The following REV3L variants were observed in gnomAD, a reference collection of about 807,000 sequenced individuals.
REV3L encodes the protein DNA polymerase zeta catalytic subunit.
A neutral mutation model predicts 299.4 loss-of-function variants in REV3L; 69 were observed. The ratio of observed to expected loss-of-function variants is 0.23; its 90% confidence interval spans 0.19 to 0.28. The LOEUF (loss-of-function observed/expected upper bound fraction) is 0.28. Among genes scored for constraint, REV3L ranks in the 10% least tolerant of loss-of-function variants. The pLI is 1.00. For synonymous variants in REV3L, 1,238 were observed against 1,271.4 expected, an observed-to-expected ratio of 0.97 and a Z score of 0.56; for missense variants, 3,128 against 3,693.8, an observed-to-expected ratio of 0.85 and a Z score of 3.97.
Position 111,372,733 on chromosome 6 carries a change from A to T in REV3L, c.5622T>A (p.Thr1874=). Residue 1874 remains threonine (T), a synonymous_variant, in exon 13 of 32, where the codon ACT becomes ACA. Coordinates refer to ENST00000368802, the MANE Select transcript of REV3L (RefSeq NM_001372078.1). ...QSKNGSFTPR[T]ANILKPLMSP... ...ACATAAGTGGTTTCAGAATGTTAGC[A>T]GTTCGAGGGGTGAAGCTGCCATTTT... is the stretch of plus-strand genomic sequence containing the variant. The T allele has an allele frequency of 6.2e-7, 1 of 1,611,706 alleles. No individual in the cohort carries two copies. Among genetic ancestry groups the T allele is most frequent in the African/African-American group, 1.3e-5 (1 of 74,976 alleles).
At chr6:111,370,133 C>G (rs1779659232) in intron 13 of REV3L, among the ~76,000 whole-genome samples, 1 of 152,076 alleles carries the variant, frequency 6.6e-6, no homozygotes, top group Non-Finnish European at 1.5e-5. Flanking sequence ...GCCCGGCCTA[C>G]AGTTTCATAT....
At chr6:111,430,560 T>C in intron 1 of REV3L, 1 of 1,569,174 alleles carries the variant, frequency 6.4e-7, no homozygotes, top group South Asian at 1.1e-5. Context: ...GAGCATAGAC[T>C]TCATGGCTGA....
chr6:111,413,455 T>C (rs1784454082), intron 2 of REV3L, among the ~76,000 whole-genome samples: 1 of 152,112 alleles, frequency 6.6e-6, no homozygotes, highest in Non-Finnish European at 1.5e-5. Context: ...TTATAGAAGA[T>C]TCTCTAAAAT....
intron 18 of REV3L, among the ~76,000 whole-genome samples, chr6:111,353,052 A>G (rs1184901838): frequency 6.6e-6 from 1 of 152,242 alleles, no homozygotes; most frequent in African/African-American, 2.4e-5. Context: ...GAAATATCAC[A>G]AAAATTTAAA....
intron 3 of REV3L, among the ~76,000 whole-genome samples, chr6:111,409,159 T>C (rs1303776004): frequency 6.6e-6 from 1 of 152,252 alleles, no homozygotes; most frequent in Non-Finnish European, 1.5e-5. Context: ...GTTCAATCTG[T>C]TGCAGTATAT....
chr6:111,450,516 A>G (rs1445572937), intron 1 of REV3L, among the ~76,000 whole-genome samples: 4 of 150,138 alleles, frequency 2.7e-5, no homozygotes, highest in Non-Finnish European at 1.5e-5. Flanking sequence ...ACCAAAAAAC[A>G]TTAGTATCCT....
At position 111,299,503 on chromosome 6, in the gene REV3L, T is replaced by G. The variant is rs1771240825; in HGVS notation, c.*513A>C. The G allele has an allele frequency of 6.5e-6, 1 of 152,674 alleles. No individual in the cohort carries two copies. The highest frequency in any genetic ancestry group is 2.4e-5 in the African/African-American group (1 of 41,436). 9.5% of individuals were successfully genotyped at this position (152,674 alleles called of 1,614,324 possible). ...TGAGTCAAGCAAAACCTAGAGGAAATATACCAAACAACTTGAAAATCATTT... is the reference window on the plus strand; with the variant it reads ...TGAGTCAAGCAAAACCTAGAGGAAAGATACCAAACAACTTGAAAATCATTT... On this transcript the variant is annotated 3_prime_UTR_variant, in exon 32 of 32. Transcript: ENST00000368802.
intron 3 of REV3L, among the ~76,000 whole-genome samples, chr6:111,406,416 AT>A (rs1392795147): frequency 2.0e-5 from 3 of 152,230 alleles, no homozygotes; most frequent in Non-Finnish European, 4.4e-5. Context: ...AGGTAGTGAA[AT>A]TTGTCTGAGA....
At chr6:111,335,229 A>G (rs759203416) in intron 22 of REV3L, among the ~76,000 whole-genome samples, 2 of 152,190 alleles carry the variant, frequency 1.3e-5, no homozygotes, top group Non-Finnish European at 2.9e-5. Context: ...AATCACAGTA[A>G]CAATATTCAG....
Position 111,482,929 on chromosome 6 carries a change from G to C in REV3L, c.-41C>G. On this transcript the variant is annotated 5_prime_UTR_variant, in exon 1 of 32. Coordinates refer to ENST00000368802, the MANE Select transcript of REV3L (RefSeq NM_001372078.1). Reference sequence around the variant, plus strand: ...CACTGCCTCCCTTCACTGGCGACCCGGCAGCGGCAGCAGCAGCGGCGGCGG... The same window carrying C: ...CACTGCCTCCCTTCACTGGCGACCCCGCAGCGGCAGCAGCAGCGGCGGCGG... 22 of 1,485,412 alleles carry C rather than the reference G, an allele frequency of 1.5e-5. No individual in the cohort carries two copies. The highest frequency in any genetic ancestry group is 2.0e-5 in the Non-Finnish European group (22 of 1,128,036). The allele number at this position is 1,485,412 out of a possible 1,614,324, so 92.0% of individuals were successfully genotyped here.
intron 1 of REV3L, among the ~76,000 whole-genome samples, chr6:111,453,339 C>A (rs1476960645): frequency 6.6e-6 from 1 of 152,264 alleles, no homozygotes; most frequent in Middle Eastern, 3.4e-3. Flanking sequence ...ACTGGGTTTG[C>A]AATTATGCCA....
At chr6:111,456,315 G>T (rs1229626600) in intron 1 of REV3L, among the ~76,000 whole-genome samples, 1 of 152,152 alleles carries the variant, frequency 6.6e-6, no homozygotes, top group Non-Finnish European at 1.5e-5. Flanking sequence ...TTGACCCTCT[G>T]TTCTCAAGTA....
At position 111,456,657 on chromosome 6, in the gene REV3L, C is replaced by G. The variant is rs989255076; in HGVS notation, c.139+26093G>C. Among the ~76,000 whole-genome samples, 20 of 152,112 alleles carry G rather than the reference C, an allele frequency of 1.3e-4. 1 individual carries two copies. Among genetic ancestry groups the G allele is most frequent in the African/African-American group, 4.8e-4 (20 of 41,438 alleles). ...ATGCATATAACTAGTTCCCCCAAAA[C>G]AATCTTTTCTCAGATACTAATACTC... On this transcript the variant is annotated intron_variant, in intron 1 of 31. Coordinates refer to ENST00000368802, the MANE Select transcript of REV3L (RefSeq NM_001372078.1).
chr6:111,471,990 A>G, intron 1 of REV3L: 1 of 1,149,542 alleles, frequency 8.7e-7, no homozygotes, highest in South Asian at 1.6e-5. Flanking sequence ...CCCCCAATAT[A>G]TTAACCAAAA....
At chr6:111,314,044 A>AAC (rs1213054496) in intron 27 of REV3L, among the ~76,000 whole-genome samples, 1 of 152,210 alleles carries the variant, frequency 6.6e-6, no homozygotes, top group Non-Finnish European at 1.5e-5. Flanking sequence ...TTATGTTTAC[A>AAC]ACAAGAGACT....
In REV3L at chr6:111,365,333, G is replaced by T. The variant is rs776598761; in HGVS notation, c.6685C>A (p.Gln2229Lys). 6.4e-7 allele frequency: 1 copy of T among 1,563,136 alleles called. No homozygotes were observed. Among genetic ancestry groups the T allele is most frequent in the South Asian group, 1.2e-5 (1 of 82,424 alleles). ...LSPLSTEPKT[Q>K]KLSNKKGSNT... ...CTTCCTTTCTTATTACTCAACTTCT[G>T]TGTTTTTGGTTCTGTAGAAAGAAAT... The change falls in exon 15 of 32, where the codon CAG becomes AAG. Residue 2229 changes from glutamine (Q) to lysine (K), a missense_variant. Coordinates refer to ENST00000368802, the MANE Select transcript of REV3L (RefSeq NM_001372078.1).
chr6:111,373,236 C>T lies in REV3L; in HGVS notation c.5119G>A (p.Asp1707Asn), dbSNP rs770720996. 1 of 1,614,032 alleles carries T rather than the reference C, an allele frequency of 6.2e-7. No individual in the cohort carries two copies. The change falls in exon 13 of 32, where the codon GAC (aspartate) becomes AAC (asparagine). Residue 1707 changes from aspartate to asparagine, a missense_variant. By Grantham distance (23) the Asp-to-Asn change is conservative. Coordinates refer to ENST00000368802, the MANE Select transcript of REV3L (RefSeq NM_001372078.1). ...LSHDNQKCDE[D>N]KHHTTDSASW... ...GCTGAGTCTGTGGTATGATGCTTGT[C>T]TTCATCACATTTCTGGTTGTCATGA...
chr6:111,360,675 C>T (rs990347269), intron 16 of REV3L: 1 of 151,910 alleles, frequency 6.6e-6, no homozygotes, highest in African/African-American at 2.4e-5. Flanking sequence ...TGGGGCCTCA[C>T]TATGTTGCTC....
intron 12 of REV3L, among the ~76,000 whole-genome samples, chr6:111,377,425 C>T (rs1451712090): frequency 6.6e-6 from 1 of 152,166 alleles, no homozygotes; most frequent in Non-Finnish European, 1.5e-5. Context: ...CAGCCTCAAA[C>T]CCTTGGGCTC....
Sources: allele counts gnomAD v4.1 joint callset (sites outside exome capture counted in the v4.1 genomes callset), GRCh38; gene constraint gnomAD v4.1.1; transcripts MANE v1.5; gene names NCBI Gene and HGNC (gene_info 2026-07-23, HGNC 2026-07-21).